Variants in BORCS5 observed in about 807,000 individuals in gnomAD.
The protein encoded by BORCS5 is BLOC-1-related complex subunit 5.
In BORCS5, 17 loss-of-function variants were observed where a neutral mutation model predicts 22.1. The observed-to-expected ratio is 0.77, with a 90% confidence interval of 0.53 to 1.15. The LOEUF (loss-of-function observed/expected upper bound fraction) is 1.15. BORCS5 is among the 50% of genes most tolerant of loss of function. The pLI, the probability that BORCS5 is intolerant of heterozygous loss-of-function variation, is 0.00. For missense variants in BORCS5, 247 were observed against 253.2 expected (o/e 0.98, Z 0.17); for synonymous variants, 117 against 99.8 (o/e 1.17, Z -1.03).
intron 2 of BORCS5, among the ~76,000 whole-genome samples, chr12:12,411,474 A>G (rs1941730009): frequency 1.3e-5 from 2 of 152,112 alleles, no homozygotes; most frequent in African/African-American, 4.8e-5. Context: ...AATTCTCTAT[A>G]TATTCTGGAT....
chr12:12,452,504 G>C (rs1348436663), intron 3 of BORCS5: 9 of 446,332 alleles, frequency 2.0e-5, no homozygotes, highest in Non-Finnish European at 3.7e-5. Context: ...GGCCCACCGG[G>C]TAGGCACTGG....
intron 2 of BORCS5, among the ~76,000 whole-genome samples, chr12:12,414,251 A>T (rs1592102111): frequency 1.9e-5 from 1 of 53,012 alleles, no homozygotes; most frequent in African/African-American, 9.4e-5. Context: ...CTGGCCGGGC[A>T]GAGGGGCTCC....
intron 2 of BORCS5, among the ~76,000 whole-genome samples, chr12:12,386,630 T>TGCCACCATGCTCG (rs58938227): frequency 1.3e-5 from 2 of 148,894 alleles, no homozygotes; most frequent in Non-Finnish European, 3.0e-5. Flanking sequence ...TACAGGCACG[T>TGCCACCATGCTCG]GCTAGTTTTT....
At chr12:12,447,027 C>G (rs1350904817) in intron 3 of BORCS5, among the ~76,000 whole-genome samples, 1 of 152,178 alleles carries the variant, frequency 6.6e-6, no homozygotes, top group Non-Finnish European at 1.5e-5. Flanking sequence ...TGGTTTCTTC[C>G]TGTATCCCAA....
rs1592149315 is a variant in BORCS5, at chr12:12,467,735, G to C, written c.*1959G>C. On this transcript the variant is annotated 3_prime_UTR_variant, in exon 4 of 4. Coordinates refer to ENST00000314565, the MANE Select transcript of BORCS5 (RefSeq NM_058169.6). ...CTGTGTTCCCAGAATTCCCTTCCTT[G>C]TTTGTTTCTCTGGTGAGGGTTGGCC... The C allele has an allele frequency of 1.3e-5, 2 of 152,240 alleles. No homozygotes were observed. The highest frequency in any genetic ancestry group is 4.1e-4 in the South Asian group (2 of 4,830). The allele number at this position is 152,240 out of a possible 1,614,324, so 9.4% of individuals were successfully genotyped here. A position where few individuals can be genotyped will look rare whatever the true frequency, so the allele number is the denominator to read the frequency against.
intron 2 of BORCS5, among the ~76,000 whole-genome samples, chr12:12,363,945 A>G (rs1188021398): frequency 2.0e-5 from 3 of 152,162 alleles, no homozygotes; most frequent in African/African-American, 7.2e-5. Context: ...CCAAAACTTA[A>G]CTACTAATAG....
Position 12,465,836 on chromosome 12 carries a change from G to C in BORCS5, c.*60G>C. ...GACACCGACACCCTGAGGACGTGTG[G>C]AGCTAAGGTCATATCATCTGACCAG... On this transcript the variant is annotated 3_prime_UTR_variant, in exon 4 of 4. Coordinates refer to ENST00000314565, the MANE Select transcript of BORCS5 (RefSeq NM_058169.6). The C allele has an allele frequency of 1.4e-6, 2 of 1,436,310 alleles. No homozygotes were observed. Among genetic ancestry groups the C allele is most frequent in the Non-Finnish European group, 1.9e-6 (2 of 1,048,706 alleles). 89.0% of individuals were successfully genotyped at this position (1,436,310 alleles called of 1,614,324 possible).
chr12:12,387,911 A>G (rs1221924084), intron 2 of BORCS5, among the ~76,000 whole-genome samples: 4 of 151,424 alleles, frequency 2.6e-5, no homozygotes, highest in Non-Finnish European at 5.9e-5. Flanking sequence ...GCCTCACTCA[A>G]GTCATTAAAG....
rs564899677 is a variant in BORCS5, at chr12:12,419,154, C to T, written c.203-16474C>T. ...TGGTTTGCTGCACCCACCAACTCGT[C>T]ATTTACATTAGATATTTCTCCTAAT... On this transcript the variant is annotated intron_variant, in intron 2 of 3. Transcript: ENST00000314565. Among the ~76,000 whole-genome samples, 381 of 152,244 alleles carry T rather than the reference C, an allele frequency of 2.5e-3. 2 individuals are homozygous for T. The highest frequency in any genetic ancestry group is 8.2e-3 in the African/African-American group (341 of 41,536).
At chr12:12,364,607 AT>A (rs55937017) in intron 2 of BORCS5, among the ~76,000 whole-genome samples, 124,195 of 152,046 alleles carry the variant, frequency 0.82, 51,736 homozygotes, top group East Asian at 0.96. Flanking sequence ...TCGTTTTATG[AT>A]TAATCACTAG....
intron 2 of BORCS5, among the ~76,000 whole-genome samples, chr12:12,363,238 A>G (rs1182412920): frequency 6.6e-6 from 1 of 151,448 alleles, no homozygotes; most frequent in Non-Finnish European, 1.5e-5. Flanking sequence ...TCAAGGGTGC[A>G]GTGAGCAGTA....
At chr12:12,439,786 C>G (rs1942644288) in intron 3 of BORCS5, among the ~76,000 whole-genome samples, 1 of 152,150 alleles carries the variant, frequency 6.6e-6, no homozygotes, top group South Asian at 2.1e-4. Flanking sequence ...AGTTTTGGGG[C>G]TTTCATTGGT....
rs145357926 is a variant in BORCS5, at chr12:12,430,843, C to T, written c.203-4785C>T. On this transcript the variant is annotated intron_variant, in intron 2 of 3. Coordinates refer to ENST00000314565, the MANE Select transcript of BORCS5 (RefSeq NM_058169.6). ...TGCAATGATAGCACACTCTATGCAT[C>T]TATATACCTTTTAAAAATTTTATCT... 7.2e-4 allele frequency among the ~76,000 whole-genome samples: 110 copies of T among 152,292 alleles called. 1 individual carries two copies. Among genetic ancestry groups the T allele is most frequent in the African/African-American group, 2.6e-3 (108 of 41,568 alleles).
intron 2 of BORCS5, among the ~76,000 whole-genome samples, chr12:12,431,496 G>T (rs1252189018): frequency 1.3e-5 from 2 of 148,172 alleles, no homozygotes; most frequent in African/African-American, 2.5e-5. Flanking sequence ...TCCGCCTCCG[G>T]GTTCAAGCGA....
Position 12,393,660 on chromosome 12 carries a change from C to T in BORCS5, c.202+32311C>T, listed in dbSNP as rs1338904505. Among the ~76,000 whole-genome samples the T allele has an allele frequency of 3.4e-5, 5 of 144,982 alleles. No individual in the cohort carries two copies. In the East Asian group the frequency reaches 8.4e-4, roughly 24 times the overall value. ...TCAACCTCCTGAGTAGCTGGGACTA[C>T]AGGAGCACACCACCATGCCTGCCTA... On this transcript the variant is annotated intron_variant, in intron 2 of 3. Coordinates refer to ENST00000314565, the MANE Select transcript of BORCS5 (RefSeq NM_058169.6).
chr12:12,466,068 T>A lies in BORCS5; in HGVS notation c.*292T>A. 8.3e-4 allele frequency: 1 copy of A among 1,206 alleles called. No individual in the cohort carries two copies. Among genetic ancestry groups the A allele is most frequent in the Admixed American group, 0.031 (1 of 32 alleles). 0.1% of individuals were successfully genotyped at this position (1,206 alleles called of 1,614,324 possible). On this transcript the variant is annotated 3_prime_UTR_variant, in exon 4 of 4. Transcript: ENST00000314565. Reference sequence around the variant, plus strand: ...TGCATTGAGAATTATTTTTATTTAGTTTTTTTTTTTTTTTAATTGAGAGTA... The same window carrying A: ...TGCATTGAGAATTATTTTTATTTAGATTTTTTTTTTTTTTAATTGAGAGTA...
intron 2 of BORCS5, among the ~76,000 whole-genome samples, chr12:12,402,166 T>TA (rs1475037198): frequency 6.6e-5 from 10 of 152,292 alleles, no homozygotes; most frequent in African/African-American, 2.2e-4. Context: ...TTTTGGGTAT[T>TA]AAAATGATAC....
chr12:12,431,632 C>G (rs923930431), intron 2 of BORCS5, among the ~76,000 whole-genome samples: 4 of 152,198 alleles, frequency 2.6e-5, no homozygotes, highest in African/African-American at 4.8e-5. Context: ...GATCTCTTGA[C>G]CTCGTGATCT....
At chr12:12,452,223 C>G (rs572916539) in intron 3 of BORCS5, 2 of 665,178 alleles carry the variant, frequency 3.0e-6, no homozygotes, top group African/African-American at 3.6e-5. Context: ...GGCTGAAGCT[C>G]CCCCTCAGCC....
Sources: gnomAD v4.1 joint callset for allele counts (sites outside exome capture counted in the v4.1 genomes callset) on GRCh38, gnomAD v4.1.1 for gene constraint, MANE v1.5 for transcripts, NCBI Gene and HGNC (gene_info 2026-07-23, HGNC 2026-07-21) for gene names.